Variants in DAB1 observed in about 807,000 individuals in gnomAD.
DAB1 encodes the protein disabled homolog 1.
DAB1 carries 15 observed loss-of-function variants against 64.6 expected under a neutral mutation model. The observed-to-expected ratio is 0.23, with a 90% confidence interval of 0.16 to 0.36. The LOEUF (loss-of-function observed/expected upper bound fraction) is 0.36, where lower values mean the gene tolerates loss of function less well. Ranked by LOEUF, DAB1 falls within the 10% of genes least tolerant of loss-of-function variation. DAB1 has a pLI of 1.00. For missense variants in DAB1, 596 were observed against 706.7 expected (o/e 0.84, Z 1.78); for synonymous variants, 235 against 251.9 (o/e 0.93, Z 0.64).
intron 7 of DAB1, among the ~76,000 whole-genome samples, chr1:57,432,534 C>T (rs1167100650): frequency 6.6e-6 from 1 of 152,128 alleles, no homozygotes; most frequent in Admixed American, 6.5e-5. Context: ...CCTACAGCTA[C>T]AGAAACCCAT....
chr1:57,103,564 AAGG>A (rs1370924874), intron 4 of DAB1, among the ~76,000 whole-genome samples: 1 of 152,242 alleles, frequency 6.6e-6, no homozygotes, highest in Admixed American at 6.5e-5. Context: ...AGTGTGGGGA[AAGG>A]AGGAGTCAGA....
intron 1 of DAB1, among the ~76,000 whole-genome samples, chr1:57,294,677 A>G (rs1265368127): frequency 2.0e-5 from 3 of 152,136 alleles, no homozygotes; most frequent in Non-Finnish European, 4.4e-5. Context: ...TCATTCAACT[A>G]TTTTAAGAAT....
rs568514157 is a variant in DAB1, at chr1:57,840,018, A to C, written n.88-13563T>G. ...TTCCTGGAAGAGGCTAATTTCATAT[A>C]AAATTGTTTTATTGTTGGCCTTTGA... On this transcript the variant is annotated intron_variant and non_coding_transcript_variant, in intron 1 of 1. Coordinates refer to the DAB1 transcript ENST00000477280. 2.0e-5 allele frequency among the ~76,000 whole-genome samples: 3 copies of C among 152,328 alleles called. No homozygotes were observed. The East Asian group carries it at 5.8e-4, about 29-fold the overall frequency.
intron 2 of DAB1, among the ~76,000 whole-genome samples, chr1:57,212,828 TAA>T (rs2100340130): frequency 6.6e-6 from 1 of 152,318 alleles, no homozygotes; most frequent in East Asian, 1.9e-4. Flanking sequence ...TTTAAGAAGC[TAA>T]TCAGTGTTAG....
intron 3 of DAB1, among the ~76,000 whole-genome samples, chr1:58,474,930 G>A (rs945643536): frequency 6.6e-6 from 1 of 152,166 alleles, no homozygotes; most frequent in African/African-American, 2.4e-5. Context: ...TCACGGGGTT[G>A]CTGTGAAGAT....
intron 7 of DAB1, among the ~76,000 whole-genome samples, chr1:57,441,324 TC>T (rs1367561472): frequency 3.5e-4 from 28 of 79,422 alleles, no homozygotes; most frequent in East Asian, 5.9e-4. Context: ...CTTTCTTCTT[TC>T]CTCCTTCTTC....
rs12566070 is a variant in DAB1, at chr1:58,473,405, G to A, written n.257+32655C>T. On this transcript the variant is annotated intron_variant and non_coding_transcript_variant, in intron 3 of 20. Transcript: ENST00000485760. ...AAAATACAAAAAATTAGCCGGGCGC[G>A]GTGGCGGGCGCCTGTAGTCCCAGCT... is the stretch of plus-strand genomic sequence containing the variant. Among the ~76,000 whole-genome samples the A allele has an allele frequency of 1.1e-4, 16 of 152,028 alleles. No individual in the cohort carries two copies. In the East Asian group the frequency reaches 2.3e-3, roughly 22 times the overall value.
chr1:57,156,179 C>T (rs1239327148), intron 2 of DAB1, among the ~76,000 whole-genome samples: 1 of 152,140 alleles, frequency 6.6e-6, no homozygotes, highest in Non-Finnish European at 1.5e-5. Context: ...CCCCACACTG[C>T]TTCCAAAAAG....
chr1:57,428,957 T>C (rs1240777593), upstream of DAB1, among the ~76,000 whole-genome samples: 5 of 150,686 alleles, frequency 3.3e-5, no homozygotes, highest in Non-Finnish European at 1.5e-5. Context: ...CTGTCACCCA[T>C]TCTGGAGTGT....
chr1:58,413,252 C>T (rs965910504), intron 3 of DAB1, among the ~76,000 whole-genome samples: 7 of 152,206 alleles, frequency 4.6e-5, no homozygotes, highest in African/African-American at 1.4e-4. Context: ...CCTTTTGTCA[C>T]CGCTTCTCAT....
chr1:57,576,554 G>C (rs1263802408), intron 7 of DAB1, among the ~76,000 whole-genome samples: 1 of 152,186 alleles, frequency 6.6e-6, no homozygotes, highest in African/African-American at 2.4e-5. Context: ...AATTTAGGAA[G>C]AGACAAGGAA....
chr1:57,783,212 C>A (rs1048994793), intron 6 of DAB1, among the ~76,000 whole-genome samples: 1 of 148,944 alleles, frequency 6.7e-6, no homozygotes, highest in South Asian at 2.2e-4. Flanking sequence ...CAGGCTCAAG[C>A]AATCCTCTTG....
intron 2 of DAB1, among the ~76,000 whole-genome samples, chr1:57,215,947 T>G (rs966913370): frequency 6.6e-6 from 1 of 152,164 alleles, no homozygotes; most frequent in Non-Finnish European, 1.5e-5. Flanking sequence ...GAGACCCCAC[T>G]GGGATCTGAA....
At chr1:57,464,911 A>G (rs1686905807) in intron 7 of DAB1, among the ~76,000 whole-genome samples, 1 of 151,940 alleles carries the variant, frequency 6.6e-6, no homozygotes, top group African/African-American at 2.4e-5. Flanking sequence ...ACTGTACAAT[A>G]ATCAATTCCA....
chr1:57,965,941 G>GGT (rs1032635151), intron 5 of DAB1, among the ~76,000 whole-genome samples: 1 of 152,064 alleles, frequency 6.6e-6, no homozygotes, highest in African/African-American at 2.4e-5. Flanking sequence ...TAAATGGCGG[G>GGT]GGGGGAGAGG....
intron 1 of DAB1, among the ~76,000 whole-genome samples, chr1:57,354,155 T>C (rs1360506304): frequency 2.0e-5 from 3 of 152,122 alleles, no homozygotes; most frequent in African/African-American, 7.2e-5. Flanking sequence ...CAATCTTTCA[T>C]TGGAGCCAAA....
chr1:57,212,209 CCT>C (rs1666065661), intron 2 of DAB1, among the ~76,000 whole-genome samples: 1 of 151,948 alleles, frequency 6.6e-6, no homozygotes, highest in Admixed American at 6.6e-5. Flanking sequence ...AGCCCATCCC[CCT>C]GTTTTACGAA....
intron 2 of DAB1, among the ~76,000 whole-genome samples, chr1:57,196,471 T>C (rs1281168023): frequency 6.6e-6 from 1 of 152,172 alleles, no homozygotes; most frequent in African/African-American, 2.4e-5. Context: ...ACCAGGAAGA[T>C]TAGCAAACAT....
intron 6 of DAB1, among the ~76,000 whole-genome samples, chr1:57,777,306 C>T (rs1055564132): frequency 1.5e-4 from 23 of 151,124 alleles, no homozygotes; most frequent in Non-Finnish European, 4.4e-5. Context: ...TGTTTTTTAT[C>T]CTGCTTGATT....
Sources: gnomAD v4.1 joint callset for allele counts (sites outside exome capture counted in the v4.1 genomes callset) on GRCh38, gnomAD v4.1.1 for gene constraint, MANE v1.5 for transcripts, NCBI Gene and HGNC (gene_info 2026-07-23, HGNC 2026-07-21) for gene names.